NT5C1A: variants seen among roughly 807,000 people sequenced by gnomAD.
The protein encoded by NT5C1A is cytosolic 5'-nucleotidase 1A.
Under a neutral mutation model 31.0 loss-of-function variants are expected in NT5C1A, and 18 were observed. The ratio of observed to expected loss-of-function variants is 0.58; its 90% CI spans 0.40 to 0.86. The LOEUF is 0.86. Among genes scored for constraint, NT5C1A ranks in the 40% least tolerant of loss-of-function variants. NT5C1A has a pLI of 0.00. For synonymous variants in NT5C1A, 185 were observed against 203.6 expected (o/e 0.91, Z 0.78); for missense variants, 470 against 505.4 (o/e 0.93, Z 0.67).
chr1:39,669,918 A>G (rs784596), intron 1 of NT5C1A, among the ~76,000 whole-genome samples: 10,012 of 152,236 alleles, frequency 0.066, 820 homozygotes, highest in African/African-American at 0.18. Flanking sequence ...CCTGATGAAA[A>G]ATCCTGTAAT....
At position 39,671,370 on chromosome 1, in the gene NT5C1A, T is replaced by A. The variant is rs146673564; in HGVS notation, c.135+534A>T. On this transcript the variant is annotated intron_variant, in intron 1 of 5. Transcript: ENST00000235628. ...ATCGCCCCCCAGCGCAGAGTGTGGA[T>A]CCCAGTGCCTGGAGAGAGCAGCTCC... 2.8e-4 allele frequency among the ~76,000 whole-genome samples: 42 copies of A among 152,268 alleles called. No individual in the cohort carries two copies. In the East Asian group the frequency reaches 7.2e-3, roughly 26 times the overall value.
chr1:39,660,948 G>T lies in NT5C1A; in HGVS notation c.741+131C>A, dbSNP rs1042297526. On this transcript the variant is annotated intron_variant, in intron 5 of 5. Transcript: ENST00000235628. ...TGGGGGGTCAGTGGTCAAGTGAGAG[G>T]GTCGAGGGGACCAGGCTGGAATCTG... 155 of 603,588 alleles carry T rather than the reference G, an allele frequency of 2.6e-4. 2 individuals are homozygous for T. In the Admixed American group the frequency reaches 3.5e-3, roughly 14 times the overall value. The allele number at this position is 603,588 out of a possible 1,614,324, so 37.4% of individuals were successfully genotyped here.
In NT5C1A at chr1:39,672,028, C is replaced by A. The variant is rs755523598; in HGVS notation, c.11G>T (p.Gly4Val). 6.2e-7 allele frequency: 1 copy of A among 1,600,888 alleles called. No individual in the cohort carries two copies. The highest frequency in any genetic ancestry group is 1.7e-5 in the Admixed American group (1 of 59,812). The part of the protein sequence containing the change: MEP[G>V]QPREPQEPRE... ...GGGCTCCTGGGGCTCCCGGGGCTGC[C>A]CAGGTTCCATGCTCCGGCTCTGACC... Residue 4 changes from glycine (G) to valine (V), a missense_variant, in exon 1 of 6, where the codon GGG becomes GTG. By Grantham distance (109) the Gly-to-Val change is moderately radical. Coordinates refer to ENST00000235628, the MANE Select transcript of NT5C1A (RefSeq NM_032526.3).
Position 39,661,178 on chromosome 1 carries a change from G to A in NT5C1A, c.642C>T (p.Ala214=), listed in dbSNP as rs34479837. The change falls in exon 5 of 6, where the codon GCC becomes GCT. Residue 214 remains alanine (A), a synonymous_variant. Transcript: ENST00000235628. The part of the protein sequence containing the change: ...SQLRVAFDGD[A]VLFSDESERI... ...GCTCCGACTCGTCCGAGAAGAGCAC[G>A]GCGTCCCCATCGAAGGCCACGCGCA... 1,231 of 1,602,132 alleles carry A rather than the reference G, an allele frequency of 7.7e-4. 11 individuals carry two copies. The African/African-American group carries it at 0.014, about 19-fold the overall frequency.
rs1411214420 is a variant in NT5C1A at position 39,654,956 on chromosome 1, T to G, written c.*4165A>C. Among the ~76,000 whole-genome samples, 1 of 152,168 alleles carries G rather than the reference T, an allele frequency of 6.6e-6. No homozygotes were observed. Among genetic ancestry groups the G allele is most frequent in the Non-Finnish European group, 1.5e-5 (1 of 68,024 alleles). On this transcript the variant is annotated 3_prime_UTR_variant, in exon 6 of 6. Coordinates refer to ENST00000235628, the MANE Select transcript of NT5C1A (RefSeq NM_032526.3). The stretch of plus-strand genomic sequence containing the variant: ...AAAGTTTCTTTTATCTTTTTTTTTT[T>G]CTTTGAGACGGAGTCTCACCCTGAT...
At chr1:39,661,446 G>A (rs1646492823) in intron 4 of NT5C1A, among the ~76,000 whole-genome samples, 183 bp from the exon 5 acceptor site, 1 of 152,232 alleles carries the variant, frequency 6.6e-6, no homozygotes, top group Admixed American at 6.5e-5. Context: ...GAGGGCAGTA[G>A]CAGTGGCTCT....
intron 1 of NT5C1A, 56 bp from the exon 2 acceptor site, chr1:39,666,292 T>C (rs1646521915): frequency 6.4e-7 from 1 of 1,567,426 alleles, no homozygotes; most frequent in African/African-American, 1.3e-5. Context: ...TGAGGCAGGC[T>C]CACATGTGTG....
rs1025744623 is a variant in NT5C1A at position 39,658,016 on chromosome 1, C to T, written c.*1105G>A. On this transcript the variant is annotated 3_prime_UTR_variant, in exon 6 of 6. Transcript: ENST00000235628. ...GCACTTTCTTCCCCTAGAATTGAGG[C>T]CACAACAGTAGACACCCATGCTCTG... Among the ~76,000 whole-genome samples, 1 of 152,174 alleles carries T rather than the reference C, an allele frequency of 6.6e-6. No individual in the cohort carries two copies. The highest frequency in any genetic ancestry group is 1.5e-5 in the Non-Finnish European group (1 of 68,028).
chr1:39,670,952 T>A (rs1646547720), intron 1 of NT5C1A, among the ~76,000 whole-genome samples: 1 of 152,188 alleles, frequency 6.6e-6, no homozygotes, highest in African/African-American at 2.4e-5. Context: ...TCAGGTTATT[T>A]AATTCTTCAA....
At position 39,665,591 on chromosome 1, in the gene NT5C1A, G is replaced by A. The variant is rs754819450; in HGVS notation, c.363C>T (p.Phe121=). ...GGTTGTTAGTCATGAGGACGATGTC[G>A]AAGACGTCCTCACTATCAGGGTACA... is the stretch of plus-strand genomic sequence containing the variant. ...RELYPDSEDV[F]DIVLMTNNHA... is the part of the protein sequence containing the mutation. The change falls in exon 3 of 6, where the codon TTC becomes TTT. Residue 121 remains phenylalanine, a synonymous_variant. Coordinates refer to ENST00000235628, the MANE Select transcript of NT5C1A (RefSeq NM_032526.3). 25 of 1,613,304 alleles carry A rather than the reference G, an allele frequency of 1.5e-5. No individual in the cohort carries two copies. The highest frequency in any genetic ancestry group is 1.6e-4 in the Middle Eastern group (1 of 6,072).
chr1:39,661,153 G>T lies in NT5C1A; in HGVS notation c.667C>A (p.Arg223Ser), dbSNP rs772593982. The change falls in exon 5 of 6, where the codon CGC (arginine) becomes AGC (serine). Residue 223 changes from arginine to serine, a missense_variant. Arg to Ser is a moderately radical substitution (Grantham distance 110). Coordinates refer to ENST00000235628, the MANE Select transcript of NT5C1A (RefSeq NM_032526.3). ...TCCAGCCCGTGGGCCTTGACGATGC[G>T]CTCCGACTCGTCCGAGAAGAGCACG... ...DAVLFSDESERIVKAHGLDRF... is the reference protein window; with the variant it reads ...DAVLFSDESESIVKAHGLDRF... 4.4e-6 allele frequency: 7 copies of T among 1,605,188 alleles called. No homozygotes were observed. Among genetic ancestry groups the T allele is most frequent in the Non-Finnish European group, 5.1e-6 (6 of 1,172,552 alleles).
rs567116702 is a variant in NT5C1A, at chr1:39,665,246, C to T, written c.433+275G>A. Among the ~76,000 whole-genome samples, 47 of 152,314 alleles carry T rather than the reference C, an allele frequency of 3.1e-4. 1 individual carries two copies. The South Asian group carries it at 9.3e-3, about 30-fold the overall frequency. On this transcript the variant is annotated intron_variant, in intron 3 of 5. Coordinates refer to ENST00000235628, the MANE Select transcript of NT5C1A (RefSeq NM_032526.3). Reference sequence around the variant, plus strand: ...GCTGGCTTGGACTGGCTTGCAAGAGCCCACAGTTAAACATTCAGAAATTTT... The same window carrying T: ...GCTGGCTTGGACTGGCTTGCAAGAGTCCACAGTTAAACATTCAGAAATTTT...
chr1:39,666,372 A>G (rs866386879), intron 1 of NT5C1A, 136 bp from the exon 2 acceptor site: 13 of 809,534 alleles, frequency 1.6e-5, no homozygotes, highest in Non-Finnish European at 2.3e-5. Flanking sequence ...CCCAGCCTTG[A>G]GCAGATGTGG....
chr1:39,661,129 C>G lies in NT5C1A; in HGVS notation c.691G>C (p.Asp231His). The G allele has an allele frequency of 6.3e-7, 1 of 1,596,236 alleles. No individual in the cohort carries two copies. ...SERIVKAHGL[D>H]RFFEHEKAHE... The stretch of plus-strand genomic sequence containing the variant: ...GCCTTCTCATGCTCGAAGAATCGGT[C>G]CAGCCCGTGGGCCTTGACGATGCGC... Residue 231 changes from aspartate to histidine, a missense_variant, in exon 5 of 6, where the codon GAC becomes CAC. Transcript: ENST00000235628.
At chr1:39,667,662 G>A (rs1384422319) in intron 1 of NT5C1A, among the ~76,000 whole-genome samples, 1 of 152,142 alleles carries the variant, frequency 6.6e-6, no homozygotes, top group Non-Finnish European at 1.5e-5. Context: ...GAGAGACACC[G>A]TGGTGGACAT....
In NT5C1A at chr1:39,666,156, C is replaced by T. The variant is rs749884963; in HGVS notation, c.216G>A (p.Thr72=). The T allele has an allele frequency of 2.1e-5, 34 of 1,613,516 alleles. No individual in the cohort carries two copies. The highest frequency in any genetic ancestry group is 3.3e-4 in the Middle Eastern group (2 of 6,084). Residue 72 remains threonine, a synonymous_variant, in exon 2 of 6, where the codon ACG becomes ACA. Coordinates refer to ENST00000235628, the MANE Select transcript of NT5C1A (RefSeq NM_032526.3). ...GCACGTACTCCTCCACGCCCTGCTC[C>T]GTGTAGATCTGCTGCTCCTCGTCCA... ...FRMDEEQQIY[T]EQGVEEYVRY...
In NT5C1A at chr1:39,658,921, G is replaced by A. The variant is rs1163092951; in HGVS notation, c.*200C>T. 6.6e-6 allele frequency among the ~76,000 whole-genome samples: 1 copy of A among 152,086 alleles called. No individual in the cohort carries two copies. The highest frequency in any genetic ancestry group is 6.5e-5 in the Admixed American group (1 of 15,274). On this transcript the variant is annotated 3_prime_UTR_variant, in exon 6 of 6. Coordinates refer to ENST00000235628, the MANE Select transcript of NT5C1A (RefSeq NM_032526.3). ...TCCTACTCTCCTACTCAGGATCATG[G>A]CACAGAATTTGCCCCAAAGGAGGGA...
At position 39,672,074 on chromosome 1, in the gene NT5C1A, G is replaced by A; in HGVS notation, c.-36C>T. The A allele has an allele frequency of 1.3e-6, 2 of 1,529,302 alleles. No homozygotes were observed. Among genetic ancestry groups the A allele is most frequent in the Non-Finnish European group, 1.7e-6 (2 of 1,149,702 alleles). 94.7% of individuals were successfully genotyped at this position (1,529,302 alleles called of 1,614,324 possible). A position where few individuals can be genotyped will look rare whatever the true frequency, so the allele number is the denominator to read the frequency against. ...TGACCCGGCCCGGCCAGAGCAGGCG[G>A]CGGCGTAGACGCGGAGGTGGCTGGG... is the stretch of plus-strand genomic sequence containing the variant. On this transcript the variant is annotated 5_prime_UTR_variant, in exon 1 of 6. Transcript: ENST00000235628.
At position 39,653,109 on chromosome 1, in the gene NT5C1A, A is replaced by G. The variant is rs1051350137; in HGVS notation, c.*6012T>C. On this transcript the variant is annotated 3_prime_UTR_variant, in exon 6 of 6. Transcript: ENST00000235628. ...GGGAGGGAAGAAACAAATGGAGATGATGAGGCAGGTATAGTCAAAAGGATT... is the reference window on the plus strand; with the variant it reads ...GGGAGGGAAGAAACAAATGGAGATGGTGAGGCAGGTATAGTCAAAAGGATT... 1.3e-5 allele frequency among the ~76,000 whole-genome samples: 2 copies of G among 152,130 alleles called. No individual in the cohort carries two copies. Among genetic ancestry groups the G allele is most frequent in the East Asian group, 3.9e-4 (2 of 5,184 alleles).
Sources: gnomAD v4.1 joint callset for allele counts (sites outside exome capture counted in the v4.1 genomes callset) on GRCh38, gnomAD v4.1.1 for gene constraint, MANE v1.5 for transcripts, NCBI Gene and HGNC (gene_info 2026-07-23, HGNC 2026-07-21) for gene names.